Variants in ZPLD1 observed in about 807,000 individuals in gnomAD.
The protein encoded by ZPLD1 is zona pellucida-like domain-containing protein 1.
In ZPLD1, 34 loss-of-function variants were observed where a neutral mutation model predicts 47.2. The observed-to-expected ratio is 0.72, with a 90% CI of 0.55 to 0.96. ZPLD1 has a LOEUF of 0.96. Ranked by LOEUF, ZPLD1 falls within the 40% of genes least tolerant of loss-of-function variation. ZPLD1 has a pLI of 0.00. For synonymous variants in ZPLD1, 176 were observed against 186.2 expected (o/e 0.95, Z 0.45); for missense variants, 512 against 505.8 (o/e 1.01, Z -0.12).
At chr3:102,444,625 T>G (rs1484405916) in intron 3 of ZPLD1, among the ~76,000 whole-genome samples, 1 of 152,208 alleles carries the variant, frequency 6.6e-6, no homozygotes, top group Non-Finnish European at 1.5e-5. Flanking sequence ...AAAGCAGAAC[T>G]GATATATAAA....
chr3:102,434,644 T>C (rs532860604), upstream of ZPLD1, among the ~76,000 whole-genome samples: 1 of 152,310 alleles, frequency 6.6e-6, no homozygotes, highest in East Asian at 1.9e-4. Context: ...TTTGCACACA[T>C]ATCTTCAAGG....
chr3:102,412,901 A>T (rs1706761757), intron 7 of ZPLD1, among the ~76,000 whole-genome samples: 2 of 151,664 alleles, frequency 1.3e-5, no homozygotes, highest in Non-Finnish European at 2.9e-5. Flanking sequence ...GAATGGTTAG[A>T]AGAGATTCAA....
chr3:102,387,996 A>G (rs947176959), intron 6 of ZPLD1, among the ~76,000 whole-genome samples: 6 of 151,400 alleles, frequency 4.0e-5, no homozygotes, highest in South Asian at 2.1e-4. Context: ...AAGTAGCTGG[A>G]ACTACAGGCG....
At position 102,477,487 on chromosome 3, in the gene ZPLD1, G is replaced by A. The variant is rs79539385; in HGVS notation, c.1117G>A (p.Ala373Thr). The A allele has an allele frequency of 2.6e-5, 42 of 1,613,662 alleles. No homozygotes were observed. The East Asian group carries it at 4.5e-4, about 17-fold the overall frequency. The change falls in exon 12 of 12, where the codon GCA becomes ACA. Residue 373 changes from alanine (A) to threonine (T), a missense_variant. Ala to Thr is a moderately conservative substitution (Grantham distance 58). Coordinates refer to ENST00000466937, the MANE Select transcript of ZPLD1 (RefSeq NM_001329788.2). The part of the protein sequence containing the change: ...PPFQLNAITS[A>T]LISGMVILGV... Reference sequence around the variant, plus strand: ...CTTCCAGCTGAACGCCATCACCAGCGCACTGATATCAGGAATGGTCATTCT... The same window carrying A: ...CTTCCAGCTGAACGCCATCACCAGCACACTGATATCAGGAATGGTCATTCT...
chr3:102,398,392 CT>C (rs1559739853), intron 7 of ZPLD1, among the ~76,000 whole-genome samples: 1 of 152,098 alleles, frequency 6.6e-6, no homozygotes, highest in Non-Finnish European at 1.5e-5. Context: ...ATTTCTACCC[CT>C]GATTTGTTGT....
chr3:102,451,858 T>G (rs1707340768), intron 3 of ZPLD1, among the ~76,000 whole-genome samples: 1 of 152,150 alleles, frequency 6.6e-6, no homozygotes, highest in Non-Finnish European at 1.5e-5. Flanking sequence ...TACAGGTTCA[T>G]TTTACCCCAG....
intron 3 of ZPLD1, among the ~76,000 whole-genome samples, chr3:102,441,041 GTTCAGTC>G (rs1461281263): frequency 2.0e-5 from 3 of 152,176 alleles, no homozygotes; most frequent in Admixed American, 2.0e-4. Flanking sequence ...TGCTAATTGT[GTTCAGTC>G]CCTCAGTGTA....
At chr3:102,471,231 T>C (rs1411770479) in intron 10 of ZPLD1, among the ~76,000 whole-genome samples, 1 of 152,216 alleles carries the variant, frequency 6.6e-6, no homozygotes, top group Non-Finnish European at 1.5e-5. Flanking sequence ...TGTAAGCAGA[T>C]GGGAGGGCAC....
chr3:102,477,630 T>G lies in ZPLD1; in HGVS notation c.*12T>G, dbSNP rs201992718. 2.1e-5 allele frequency: 34 copies of G among 1,598,808 alleles called. No individual in the cohort carries two copies. The highest frequency in any genetic ancestry group is 3.4e-5 in the South Asian group (3 of 88,714). ...CAGTCTTTGACTGACTATAACAGATTCCTGCTCTCTGGAGAAGGCTTCACT... is the reference window on the plus strand; with the variant it reads ...CAGTCTTTGACTGACTATAACAGATGCCTGCTCTCTGGAGAAGGCTTCACT... On this transcript the variant is annotated 3_prime_UTR_variant, in exon 12 of 12. Transcript: ENST00000466937.
intron 7 of ZPLD1, among the ~76,000 whole-genome samples, chr3:102,410,667 G>A (rs2107298702): frequency 6.6e-6 from 1 of 151,870 alleles, no homozygotes; most frequent in East Asian, 1.9e-4. Flanking sequence ...AAATCAGGAA[G>A]CCATTTAAAG....
chr3:102,427,772 A>G (rs1453428016), intron 8 of ZPLD1, among the ~76,000 whole-genome samples: 1 of 152,220 alleles, frequency 6.6e-6, no homozygotes, highest in Non-Finnish European at 1.5e-5. Context: ...TGTGGCATAA[A>G]TGACATGTTA....
chr3:102,404,985 A>G (rs1441861571), intron 7 of ZPLD1, among the ~76,000 whole-genome samples: 1 of 152,022 alleles, frequency 6.6e-6, no homozygotes, highest in East Asian at 1.9e-4. Flanking sequence ...AGTCCTTGAA[A>G]CAACAACATA....
chr3:102,408,863 G>A (rs1476461645), intron 7 of ZPLD1, among the ~76,000 whole-genome samples: 2 of 151,644 alleles, frequency 1.3e-5, no homozygotes, highest in Non-Finnish European at 2.9e-5. Flanking sequence ...AAATCAGTCT[G>A]GAAGTATAAT....
intron 3 of ZPLD1, among the ~76,000 whole-genome samples, chr3:102,441,199 T>C (rs1576149338): frequency 6.6e-6 from 1 of 152,162 alleles, no homozygotes; most frequent in African/African-American, 2.4e-5. Context: ...GGTAGTTATA[T>C]ACTTGTAAAG....
At position 102,452,955 on chromosome 3, in the gene ZPLD1, C is replaced by T; in HGVS notation, c.143C>T (p.Ala48Val). ...RDISVYCGVQAITMKINFCTV... is the reference protein window; with the variant it reads ...RDISVYCGVQVITMKINFCTV... ...ATCAGTGTCTATTGTGGAGTGCAGG[C>T]TATTACGATGAAGATTAATTTTTGC... The change falls in exon 4 of 12, where the codon GCT becomes GTT. Residue 48 changes from alanine to valine, a missense_variant. Ala to Val is a moderately conservative substitution (Grantham distance 64, BLOSUM62 0). Coordinates refer to ENST00000466937, the MANE Select transcript of ZPLD1 (RefSeq NM_001329788.2). The T allele has an allele frequency of 6.2e-7, 1 of 1,614,000 alleles. No individual in the cohort carries two copies. The highest frequency in any genetic ancestry group is 1.1e-5 in the South Asian group (1 of 91,070).
Position 102,436,952 on chromosome 3 carries a change from G to A in ZPLD1, c.-30G>A. 2 of 985,128 alleles carry A rather than the reference G, an allele frequency of 2.0e-6. No individual in the cohort carries two copies. Among genetic ancestry groups the A allele is most frequent in the South Asian group, 9.4e-5 (2 of 21,284 alleles). 61.0% of individuals were successfully genotyped at this position (985,128 alleles called of 1,614,324 possible). A position where few individuals can be genotyped will look rare whatever the true frequency, so the allele number is the denominator to read the frequency against. Reference sequence around the variant, plus strand: ...GACCCATCATGAGAAGGAAGTGGTGGAGCATGGAGCATGGAATAAATGTGG... The same window carrying A: ...GACCCATCATGAGAAGGAAGTGGTGAAGCATGGAGCATGGAATAAATGTGG... On this transcript the variant is annotated 5_prime_UTR_variant, in exon 2 of 12. The change creates a premature stop within an existing upstream ORF in the 5' untranslated region. Transcript: ENST00000466937.
intron 7 of ZPLD1, among the ~76,000 whole-genome samples, chr3:102,394,998 A>G (rs1025489619): frequency 3.0e-4 from 45 of 152,318 alleles, no homozygotes; most frequent in African/African-American, 1.0e-3. Flanking sequence ...TTTTGAGATT[A>G]GAAACTGAGT....
chr3:102,394,705 C>G (rs1421110874), intron 7 of ZPLD1, among the ~76,000 whole-genome samples: 1 of 152,118 alleles, frequency 6.6e-6, no homozygotes, highest in Non-Finnish European at 1.5e-5. Flanking sequence ...CTGAACATCA[C>G]CTGGTGCTGT....
chr3:102,399,520 T>C (rs1037215647), intron 7 of ZPLD1, among the ~76,000 whole-genome samples: 2 of 151,232 alleles, frequency 1.3e-5, no homozygotes, highest in East Asian at 3.9e-4. Flanking sequence ...TATCGGCTCC[T>C]AGTTTGCTAG....
Sources: gnomAD v4.1 joint callset for allele counts (sites outside exome capture counted in the v4.1 genomes callset) on GRCh38, gnomAD v4.1.1 for gene constraint, MANE v1.5 for transcripts, NCBI Gene and HGNC (gene_info 2026-07-23, HGNC 2026-07-21) for gene names.